Variants in RAPGEF4 observed in about 807,000 individuals in gnomAD.
The protein encoded by RAPGEF4 is Rap guanine nucleotide exchange factor 4.
A neutral mutation model predicts 147.9 loss-of-function variants in RAPGEF4; 66 were observed. That is an observed-to-expected ratio of 0.45 (90% CI 0.37 to 0.55). The LOEUF (loss-of-function observed/expected upper bound fraction) is 0.55, where lower values mean the gene tolerates loss of function less well. RAPGEF4 is among the 20% of genes least tolerant of loss of function. The pLI is 0.00. For missense variants in RAPGEF4, 1,071 were observed against 1,257.3 expected, an observed-to-expected ratio of 0.85 and a Z score of 2.24; for synonymous variants, 419 against 442.7, an observed-to-expected ratio of 0.95 and a Z score of 0.67.
At chr2:172,954,191 G>A (rs1005459265) in intron 6 of RAPGEF4, among the ~76,000 whole-genome samples, 1 of 152,112 alleles carries the variant, frequency 6.6e-6, no homozygotes, top group African/African-American at 2.4e-5. Context: ...TCACTGTCAA[G>A]CTAATCTGCA....
chr2:172,985,905 C>A (rs1403848273), intron 12 of RAPGEF4, among the ~76,000 whole-genome samples: 3 of 152,204 alleles, frequency 2.0e-5, no homozygotes, highest in Non-Finnish European at 4.4e-5. Context: ...GATATTTAAA[C>A]CATCCTACTT....
At chr2:172,814,134 G>C in intron 3 of RAPGEF4, 145 bp from the exon 4 acceptor site, 1 of 801,128 alleles carries the variant, frequency 1.2e-6, no homozygotes, top group South Asian at 1.7e-5. Flanking sequence ...TAATTACTCC[G>C]GTATATATAT....
At chr2:172,890,327 C>A (rs1697760646) in intron 4 of RAPGEF4, among the ~76,000 whole-genome samples, 1 of 152,186 alleles carries the variant, frequency 6.6e-6, no homozygotes, top group Non-Finnish European at 1.5e-5. Context: ...ATTGGGTGAC[C>A]TTTTGTTGCC....
Position 172,985,539 on chromosome 2 carries a change from T to C in RAPGEF4, c.1150+46T>C, listed in dbSNP as rs756588386. ...GAACCTTGCGCCTGGCCAGCACCCT[T>C]GCAAGCACATGCCACGGGAAGCCAG... On this transcript the variant is annotated intron_variant, in intron 12 of 30. Coordinates refer to ENST00000397081, the MANE Select transcript of RAPGEF4 (RefSeq NM_007023.4). 112 of 1,589,832 alleles carry C rather than the reference T, an allele frequency of 7.0e-5. 1 individual carries two copies. The Admixed American group carries it at 1.5e-3, about 21-fold the overall frequency.
intron 4 of RAPGEF4, among the ~76,000 whole-genome samples, chr2:172,837,495 C>T (rs1180839117): frequency 6.6e-6 from 1 of 152,138 alleles, no homozygotes; most frequent in African/African-American, 2.4e-5. Flanking sequence ...AACCAGCCAA[C>T]CAACAAACCA....
intron 4 of RAPGEF4, among the ~76,000 whole-genome samples, chr2:172,916,928 AC>A (rs1336401521): frequency 1.3e-5 from 2 of 152,184 alleles, no homozygotes; most frequent in African/African-American, 4.8e-5. Context: ...GTAATTATAA[AC>A]CATAAATATA....
At chr2:172,970,419 C>A (rs1262877860) in intron 10 of RAPGEF4, among the ~76,000 whole-genome samples, 1 of 152,170 alleles carries the variant, frequency 6.6e-6, no homozygotes, top group East Asian at 1.9e-4. Flanking sequence ...GCATTGGCTT[C>A]ATACTGACCA....
rs796835441 is a variant in RAPGEF4 at position 172,918,368 on chromosome 2, T to C, written c.517+494T>C. 4.0e-4 allele frequency among the ~76,000 whole-genome samples: 19 copies of C among 47,024 alleles called. 1 individual carries two copies. The highest frequency in any genetic ancestry group is 1.7e-3 in the African/African-American group (16 of 9,628). 30.8% of individuals were successfully genotyped at this position (47,024 alleles called of 152,430 possible). Reference sequence around the variant, plus strand: ...AGGCCTTTGTGAACTTTAGATGCTCTTACCACACACACACACACACACACA... The same window carrying C: ...AGGCCTTTGTGAACTTTAGATGCTCCTACCACACACACACACACACACACA... On this transcript the variant is annotated intron_variant, in intron 5 of 30. Coordinates refer to ENST00000397081, the MANE Select transcript of RAPGEF4 (RefSeq NM_007023.4).
chr2:172,868,654 G>A (rs1377174126), intron 4 of RAPGEF4, among the ~76,000 whole-genome samples: 3 of 152,174 alleles, frequency 2.0e-5, no homozygotes, highest in African/African-American at 7.2e-5. Flanking sequence ...TTAATTCAGA[G>A]GACAGAATCA....
intron 17 of RAPGEF4, among the ~76,000 whole-genome samples, chr2:173,007,820 C>A (rs1348984496): frequency 6.6e-6 from 1 of 152,034 alleles, no homozygotes; most frequent in East Asian, 1.9e-4. Context: ...AGACAAGAAG[C>A]CCAGATTATA....
intron 4 of RAPGEF4, among the ~76,000 whole-genome samples, chr2:172,906,565 A>C (rs577150216): frequency 2.6e-5 from 4 of 152,318 alleles, no homozygotes; most frequent in African/African-American, 9.6e-5. Context: ...GGGGGAAAGC[A>C]AGGGGACAGT....
chr2:173,001,486 T>A, intron 17 of RAPGEF4, 142 bp downstream of exon 17: 1 of 954,122 alleles, frequency 1.0e-6, no homozygotes, highest in Non-Finnish European at 1.6e-6. Context: ...TGAAATGTGT[T>A]TTCCCACATT....
At chr2:172,752,460 C>T (rs546157251) in intron 1 of RAPGEF4, among the ~76,000 whole-genome samples, 1 of 152,120 alleles carries the variant, frequency 6.6e-6, no homozygotes, top group African/African-American at 2.4e-5. Flanking sequence ...ATGTCAAAAA[C>T]TGAAGGTAAC....
intron 11 of RAPGEF4, 31 bp from the exon 12 acceptor site, chr2:172,985,402 C>T (rs759497896): frequency 6.2e-7 from 1 of 1,613,734 alleles, no homozygotes; most frequent in Non-Finnish European, 8.5e-7. Flanking sequence ...GGAAATGTGG[C>T]CTTTGCATGT....
intron 17 of RAPGEF4, among the ~76,000 whole-genome samples, chr2:173,011,485 C>G (rs12624093): frequency 0.052 from 7,973 of 152,084 alleles, 285 homozygotes; most frequent in East Asian, 0.1. Flanking sequence ...AGAATATTGA[C>G]TTATTTTATG....
intron 23 of RAPGEF4, among the ~76,000 whole-genome samples, chr2:173,020,972 G>A (rs953955897): frequency 6.6e-6 from 1 of 152,220 alleles, no homozygotes; most frequent in African/African-American, 2.4e-5. Flanking sequence ...GTTGTAATTC[G>A]CCTCATTGGT....
chr2:172,993,970 C>T (rs1198609850), intron 15 of RAPGEF4, among the ~76,000 whole-genome samples: 1 of 152,204 alleles, frequency 6.6e-6, no homozygotes, highest in Non-Finnish European at 1.5e-5. Context: ...ATCTGGCTTG[C>T]CTCTCAGATC....
intron 4 of RAPGEF4, among the ~76,000 whole-genome samples, chr2:172,864,854 T>A (rs939471655): frequency 1.3e-5 from 2 of 152,190 alleles, no homozygotes; most frequent in African/African-American, 4.8e-5. Context: ...GCAGTGAGCC[T>A]AGATCATGCC....
At chr2:172,768,072 A>T in intron 1 of RAPGEF4, among the ~76,000 whole-genome samples, 1 of 152,066 alleles carries the variant, frequency 6.6e-6, no homozygotes, top group Admixed American at 6.6e-5. Context: ...TCAGCCTCCC[A>T]GAGTGCTAGG....
Sources: allele counts gnomAD v4.1 joint callset (sites outside exome capture counted in the v4.1 genomes callset), GRCh38; gene constraint gnomAD v4.1.1; transcripts MANE v1.5; gene names NCBI Gene and HGNC (gene_info 2026-07-23, HGNC 2026-07-21).